Variants in FSHR observed in about 807,000 individuals in gnomAD.
FSHR encodes the protein follicle stimulating hormone receptor.
FSHR carries 46 observed loss-of-function variants against 52.1 expected under a neutral mutation model. That is an observed-to-expected ratio of 0.88 (90% confidence interval 0.70 to 1.13). FSHR has a LOEUF of 1.13. Among genes scored for constraint, FSHR ranks in the 50% most tolerant of loss-of-function variants. The pLI is 0.00. For synonymous variants in FSHR, 399 were observed against 309.6 expected (o/e 1.29, Z -3.03); for missense variants, 964 against 834.6 (o/e 1.16, Z -1.91).
chr2:48,975,908 A>C (rs980278053), intron 8 of FSHR, among the ~76,000 whole-genome samples: 2 of 152,204 alleles, frequency 1.3e-5, no homozygotes, highest in South Asian at 2.1e-4. Context: ...GGGGTTTTCT[A>C]AATATACAAT....
intron 1 of FSHR, among the ~76,000 whole-genome samples, chr2:49,110,700 C>G (rs1671393174): frequency 6.6e-6 from 1 of 152,090 alleles, no homozygotes; most frequent in African/African-American, 2.4e-5. Context: ...ATTTCCCACT[C>G]TTGTCAGACT....
At chr2:49,101,624 G>C (rs1016339685) in intron 1 of FSHR, among the ~76,000 whole-genome samples, 21 of 152,146 alleles carry the variant, frequency 1.4e-4, no homozygotes, top group Non-Finnish European at 2.9e-4. Flanking sequence ...TAGGGATTTA[G>C]CTCCTAGTTG....
chr2:49,017,342 C>A, intron 4 of FSHR, 147 bp downstream of exon 4: 1 of 626,824 alleles, frequency 1.6e-6, no homozygotes, highest in East Asian at 2.8e-5. Context: ...AAATCCATCA[C>A]CAAGTATCTC....
intron 1 of FSHR, among the ~76,000 whole-genome samples, chr2:49,103,793 A>G (rs974897): frequency 0.46 from 69,770 of 151,968 alleles, 16,280 homozygotes; most frequent in East Asian, 0.54. Flanking sequence ...GATAAGAAAG[A>G]CTACAGTCAT....
chr2:49,056,994 G>A (rs1479446471), intron 2 of FSHR, among the ~76,000 whole-genome samples: 2 of 151,918 alleles, frequency 1.3e-5, no homozygotes, highest in Non-Finnish European at 2.9e-5. Flanking sequence ...CAAAACCTAT[G>A]GGATGAGCAA....
rs1022582570 is a variant in FSHR, at chr2:48,989,170, C to A, written c.447-116G>T. 1.4e-5 allele frequency: 10 copies of A among 725,724 alleles called. No individual in the cohort carries two copies. In the African/African-American group the frequency reaches 1.8e-4, roughly 13 times the overall value. 45.0% of individuals were successfully genotyped at this position (725,724 alleles called of 1,614,324 possible). On this transcript the variant is annotated intron_variant, in intron 5 of 9. Coordinates refer to ENST00000406846, the MANE Select transcript of FSHR (RefSeq NM_000145.4). ...CAGCTGAGGTAATGTATTAATATAA[C>A]TAGTTGTTGTTTAGAAGATGATCAG...
intron 2 of FSHR, among the ~76,000 whole-genome samples, chr2:49,036,970 C>A (rs950859751): frequency 3.9e-5 from 6 of 152,116 alleles, no homozygotes; most frequent in African/African-American, 1.2e-4. Context: ...AAGCAAAAAA[C>A]CAAGGAAAAA....
chr2:48,998,531 G>A (rs948099449), intron 4 of FSHR, among the ~76,000 whole-genome samples: 1 of 151,946 alleles, frequency 6.6e-6, no homozygotes, highest in Non-Finnish European at 1.5e-5. Context: ...AATTCAGCTG[G>A]TGTATTTTTT....
intron 1 of FSHR, among the ~76,000 whole-genome samples, chr2:49,096,782 AT>A (rs746303077): frequency 7.4e-4 from 112 of 152,178 alleles, no homozygotes; most frequent in Middle Eastern, 3.4e-3. Context: ...TCACTGGTGA[AT>A]TTCTTATGAA....
intron 1 of FSHR, among the ~76,000 whole-genome samples, chr2:49,129,747 CA>C (rs561884732): frequency 6.6e-6 from 1 of 152,246 alleles, no homozygotes; most frequent in African/African-American, 2.4e-5. Flanking sequence ...TGTGTTATCT[CA>C]AAAACCTTTA....
intron 4 of FSHR, among the ~76,000 whole-genome samples, chr2:48,994,676 C>T (rs12473181): frequency 0.12 from 17,834 of 152,074 alleles, 1,252 homozygotes; most frequent in East Asian, 0.28. Flanking sequence ...CTGTATGTCT[C>T]AATGGGTTTG....
chr2:49,067,127 T>C lies in FSHR; in HGVS notation c.224+1092A>G, dbSNP rs559479957. Among the ~76,000 whole-genome samples the C allele has an allele frequency of 1.2e-4, 18 of 152,196 alleles. 1 individual carries two copies. The East Asian group carries it at 1.7e-3, about 15-fold the overall frequency. On this transcript the variant is annotated intron_variant, in intron 2 of 9. Transcript: ENST00000406846. ...CCCCTTTTTAAAACTCCTCTCTTAA[T>C]ACACAGATGAGGAAACCAGGGCCCT...
chr2:49,145,806 T>C (rs1471347278), intron 1 of FSHR, among the ~76,000 whole-genome samples: 1 of 152,082 alleles, frequency 6.6e-6, no homozygotes, highest in African/African-American at 2.4e-5. Context: ...AATTAATAAA[T>C]ATTTGCTGTT....
intron 8 of FSHR, among the ~76,000 whole-genome samples, chr2:48,979,216 A>T (rs1488238693): frequency 6.6e-6 from 1 of 152,074 alleles, no homozygotes; most frequent in African/African-American, 2.4e-5. Context: ...AGTCCAAGGC[A>T]GGAGAATAAC....
intron 8 of FSHR, among the ~76,000 whole-genome samples, chr2:48,980,542 G>C (rs2104054751): frequency 6.6e-6 from 1 of 152,298 alleles, no homozygotes; most frequent in South Asian, 2.1e-4. Flanking sequence ...AACCTCAGGA[G>C]ATGTTCTTCT....
Position 48,988,972 on chromosome 2 carries a change from C to T in FSHR, c.524+5G>A, listed in dbSNP as rs866831971. On this transcript the variant is annotated splice_donor_5th_base_variant and intron_variant, in intron 6 of 9. Coordinates refer to ENST00000406846, the MANE Select transcript of FSHR (RefSeq NM_000145.4). ...ACTCTGTTGGATTTTTTCCCCCTTACTTACAGAATCACACTTTCAAAGCTC... is the reference window on the plus strand; with the variant it reads ...ACTCTGTTGGATTTTTTCCCCCTTATTTACAGAATCACACTTTCAAAGCTC... The T allele has an allele frequency of 1.2e-6, 2 of 1,611,798 alleles. No individual in the cohort carries two copies. Among genetic ancestry groups the T allele is most frequent in the East Asian group, 2.2e-5 (1 of 44,830 alleles).
At chr2:49,051,540 T>G (rs974136899) in intron 2 of FSHR, among the ~76,000 whole-genome samples, 24 of 152,278 alleles carry the variant, frequency 1.6e-4, no homozygotes, top group African/African-American at 5.5e-4. Context: ...GTGTGTCTAC[T>G]TATTTTTTAC....
intron 4 of FSHR, among the ~76,000 whole-genome samples, chr2:49,007,359 A>C (rs9309156): frequency 1.3e-5 from 2 of 152,156 alleles, no homozygotes; most frequent in Non-Finnish European, 2.9e-5. Flanking sequence ...GTTGAGGTTC[A>C]AATGCAACAA....
At chr2:49,120,595 T>C (rs995935157) in intron 1 of FSHR, among the ~76,000 whole-genome samples, 3 of 152,190 alleles carry the variant, frequency 2.0e-5, no homozygotes, top group African/African-American at 7.2e-5. Flanking sequence ...TAGCAATCTC[T>C]AGAATCAAGA....
Sources: allele counts gnomAD v4.1 joint callset (sites outside exome capture counted in the v4.1 genomes callset), GRCh38; gene constraint gnomAD v4.1.1; transcripts MANE v1.5; gene names NCBI Gene and HGNC (gene_info 2026-07-23, HGNC 2026-07-21).